MLPH: variants seen among roughly 807,000 people sequenced by gnomAD.
The protein encoded by MLPH is melanophilin.
A neutral mutation model predicts 72.1 loss-of-function variants in MLPH; 51 were observed. The observed-to-expected ratio is 0.71, with a 90% confidence interval of 0.56 to 0.89. MLPH has a LOEUF of 0.89. MLPH is among the 40% of genes least tolerant of loss of function. The probability of loss-of-function intolerance (pLI) is 0.00; values close to 1 mark genes in which losing one functional copy is unlikely to be tolerated. For missense variants in MLPH, 743 were observed against 759.9 expected (o/e 0.98, Z 0.26); for synonymous variants, 301 against 310.1 (o/e 0.97, Z 0.31).
intron 6 of MLPH, among the ~76,000 whole-genome samples, chr2:237,521,588 G>GT (rs59520579): frequency 0.17 from 25,403 of 152,124 alleles, 2,363 homozygotes; most frequent in African/African-American, 0.23. Flanking sequence ...AGAATGCGAT[G>GT]TTTTTTGATA....
chr2:237,540,909 G>A lies in MLPH; in HGVS notation c.1398G>A (p.Glu466=), dbSNP rs946413331. 3.7e-6 allele frequency: 6 copies of A among 1,611,780 alleles called. No individual in the cohort carries two copies. Among genetic ancestry groups the A allele is most frequent in the Middle Eastern group, 1.7e-4 (1 of 5,808 alleles). The change falls in exon 11 of 16, where the codon GAG becomes GAA. Residue 466 remains glutamate, a synonymous_variant. Coordinates refer to ENST00000264605, the MANE Select transcript of MLPH (RefSeq NM_024101.7). ...RTTDEELSEL[E]DRVAVTASEV... Reference sequence around the variant, plus strand: ...CAGATGAGGAGCTGTCAGAGCTGGAGGACAGAGTGGCAGTGACGGCCTCAG... The same window carrying A: ...CAGATGAGGAGCTGTCAGAGCTGGAAGACAGAGTGGCAGTGACGGCCTCAG...
intron 2 of MLPH, among the ~76,000 whole-genome samples, chr2:237,497,964 G>A (rs542456343): frequency 1.3e-5 from 2 of 152,272 alleles, no homozygotes; most frequent in South Asian, 4.2e-4. Context: ...TTCAGGAGCC[G>A]CCCAGCAGTT....
At chr2:237,509,510 G>T (rs1043318790) in intron 2 of MLPH, among the ~76,000 whole-genome samples, 3 of 152,210 alleles carry the variant, frequency 2.0e-5, no homozygotes, top group African/African-American at 4.8e-5. Flanking sequence ...CTTCCCATCT[G>T]GCTCCAGGGA....
rs1285035452 is a variant in MLPH, at chr2:237,512,205, T to C, written c.445+1104T>C. 1.3e-5 allele frequency among the ~76,000 whole-genome samples: 2 copies of C among 152,240 alleles called. No homozygotes were observed. The highest frequency in any genetic ancestry group is 2.9e-5 in the Non-Finnish European group (2 of 68,038). On this transcript the variant is annotated intron_variant, in intron 4 of 15. Coordinates refer to ENST00000264605, the MANE Select transcript of MLPH (RefSeq NM_024101.7). The surrounding 1 kb of genome is among the most constrained non-coding windows in gnomAD (Gnocchi z 5.5). Reference sequence around the variant, plus strand: ...AGGCGTCTCCCCCAGGCCTTCCTTCTGGAGAGACACCTTATTCGTGCCTGT... The same window carrying C: ...AGGCGTCTCCCCCAGGCCTTCCTTCCGGAGAGACACCTTATTCGTGCCTGT...
intron 6 of MLPH, 150 bp downstream of exon 6, chr2:237,520,179 G>C: frequency 1.0e-6 from 1 of 1,004,652 alleles, no homozygotes; most frequent in Non-Finnish European, 1.5e-6. Flanking sequence ...GAAGGGGACC[G>C]ATGTGGGAAG....
At chr2:237,493,630 G>C (rs921975183) in intron 2 of MLPH, 94 bp downstream of exon 2, 1 of 884,298 alleles carries the variant, frequency 1.1e-6, no homozygotes, top group African/African-American at 1.6e-5. Flanking sequence ...CAACAGCCAC[G>C]TGCAGGGTGA....
intron 11 of MLPH, among the ~76,000 whole-genome samples, chr2:237,542,169 C>T (rs765929819): frequency 4.0e-5 from 6 of 151,336 alleles, no homozygotes; most frequent in African/African-American, 1.2e-4. Flanking sequence ...GGGCCTAAGA[C>T]GGGAGGGGTG....
chr2:237,549,915 C>A (rs937864404), intron 14 of MLPH, among the ~76,000 whole-genome samples: 4 of 152,236 alleles, frequency 2.6e-5, no homozygotes, highest in Non-Finnish European at 4.4e-5. Context: ...GCAGTCCTTG[C>A]AGACAGTGTG....
At chr2:237,501,791 T>C (rs1209050804) in intron 2 of MLPH, among the ~76,000 whole-genome samples, 1 of 151,402 alleles carries the variant, frequency 6.6e-6, no homozygotes, top group Non-Finnish European at 1.5e-5. Flanking sequence ...GGAGGTTGCA[T>C]GAGCTGAGAT....
chr2:237,527,924 G>C (rs1368734965), intron 8 of MLPH, among the ~76,000 whole-genome samples: 1 of 152,156 alleles, frequency 6.6e-6, no homozygotes, highest in African/African-American at 2.4e-5. Context: ...CAGGATGTAC[G>C]CAACATGGAA....
chr2:237,545,517 A>T (rs2080897859), intron 12 of MLPH: 36 of 1,289,050 alleles, frequency 2.8e-5, no homozygotes, highest in Non-Finnish European at 3.6e-5. Flanking sequence ...ACACCCTGAC[A>T]GTGTAAAATC....
rs2149170718 is a variant in MLPH at position 237,553,743 on chromosome 2, C to A, written c.*151C>A. 9.5e-7 allele frequency: 1 copy of A among 1,056,658 alleles called. No homozygotes were observed. The highest frequency in any genetic ancestry group is 1.5e-6 in the Non-Finnish European group (1 of 672,352). The allele number at this position is 1,056,658 out of a possible 1,614,324, so 65.5% of individuals were successfully genotyped here. On this transcript the variant is annotated 3_prime_UTR_variant, in exon 16 of 16. Coordinates refer to ENST00000264605, the MANE Select transcript of MLPH (RefSeq NM_024101.7). ...CACCCTCCACATGGACTCCCACCTG[C>A]AAGTGGACAGCGACATTCAGTCCTG... is the stretch of plus-strand genomic sequence containing the variant.
chr2:237,529,870 C>A (rs60426519), intron 8 of MLPH, among the ~76,000 whole-genome samples: 23,439 of 152,204 alleles, frequency 0.15, 2,028 homozygotes, highest in South Asian at 0.31. Context: ...CCTGGGAGAG[C>A]TGGGGAAGGG....
chr2:237,516,802 T>TA (rs2080030164), intron 4 of MLPH, among the ~76,000 whole-genome samples: 1 of 149,102 alleles, frequency 6.7e-6, no homozygotes, highest in Non-Finnish European at 1.5e-5. Context: ...GATGGATGGA[T>TA]GGATGGATGG....
Position 237,510,376 on chromosome 2 carries a change from G to A in MLPH, c.111-198G>A, listed in dbSNP as rs1223571552. The A allele has an allele frequency of 1.1e-5, 7 of 649,128 alleles. No homozygotes were observed. The highest frequency in any genetic ancestry group is 3.6e-5 in the African/African-American group (2 of 54,892). The allele number at this position is 649,128 out of a possible 1,614,324, so 40.2% of individuals were successfully genotyped here. ...TCCATTCCAGCCACCAAAATTGCCC[G>A]TTTGAGCTCAGCCCTCAAAACAAAG... On this transcript the variant is annotated intron_variant, in intron 2 of 15. Coordinates refer to ENST00000264605, the MANE Select transcript of MLPH (RefSeq NM_024101.7). The surrounding 1 kb of genome is among the most constrained non-coding windows in gnomAD (Gnocchi z 4.4).
chr2:237,545,443 T>C (rs1559377914), intron 12 of MLPH: 1 of 1,285,406 alleles, frequency 7.8e-7, no homozygotes, highest in East Asian at 5.6e-5. Flanking sequence ...ATTTGTTGTT[T>C]CTACCCTAAA....
intron 14 of MLPH, among the ~76,000 whole-genome samples, chr2:237,550,016 A>C (rs1385782743): frequency 6.6e-6 from 1 of 152,200 alleles, no homozygotes; most frequent in Non-Finnish European, 1.5e-5. Flanking sequence ...GACTTTGGCC[A>C]TTTGTCACAC....
At chr2:237,551,994 A>C (rs568742112) in intron 14 of MLPH, 26 of 205,566 alleles carry the variant, frequency 1.3e-4, no homozygotes, top group Non-Finnish European at 2.2e-4. Flanking sequence ...AAAAAAAAGA[A>C]AGAACAAAAA....
intron 8 of MLPH, among the ~76,000 whole-genome samples, chr2:237,533,556 G>T (rs2080469047): frequency 6.6e-6 from 1 of 152,080 alleles, no homozygotes; most frequent in South Asian, 2.1e-4. Flanking sequence ...ACCACCCCTG[G>T]CTAATTTTTG....
Sources: gnomAD v4.1 joint callset for allele counts (sites outside exome capture counted in the v4.1 genomes callset) on GRCh38, gnomAD v4.1.1 for gene constraint, Gnocchi (gnomAD v3.1) non-coding constraint, MANE v1.5 for transcripts, NCBI Gene and HGNC (gene_info 2026-07-23, HGNC 2026-07-21) for gene names.